Variants in WDR27 observed in about 807,000 individuals in gnomAD.
WDR27 encodes the protein WD repeat domain 27.
WDR27 carries 100 observed loss-of-function variants against 114.4 expected under a neutral mutation model. That is an observed-to-expected ratio of 0.87 (90% CI 0.74 to 1.03). The LOEUF is 1.03. Among genes scored for constraint, WDR27 ranks in the 50% least tolerant of loss-of-function variants. The pLI is 0.00. For missense variants in WDR27, 1,129 were observed against 1,092.9 expected (o/e 1.03, Z -0.47); for synonymous variants, 449 against 423.1 (o/e 1.06, Z -0.75).
intron 21 of WDR27, among the ~76,000 whole-genome samples, chr6:169,623,193 G>C (rs554064997): frequency 4.6e-5 from 7 of 152,084 alleles, no homozygotes; most frequent in East Asian, 3.9e-4. Flanking sequence ...TCAGCTGGTC[G>C]TGCGGCCCCC....
intron 2 of WDR27, among the ~76,000 whole-genome samples, chr6:169,673,994 C>T (rs2128301393): frequency 6.6e-6 from 1 of 152,286 alleles, no homozygotes; most frequent in South Asian, 2.1e-4. Flanking sequence ...CTCATAAGAA[C>T]TGACACCCAG....
Position 169,696,964 on chromosome 6 carries a change from G to A in WDR27, c.-8+4587C>T, listed in dbSNP as rs142756510. 2.6e-3 allele frequency among the ~76,000 whole-genome samples: 393 copies of A among 152,224 alleles called. 3 individuals carry two copies. The highest frequency in any genetic ancestry group is 9.2e-3 in the African/African-American group (383 of 41,516). On this transcript the variant is annotated intron_variant, in intron 1 of 25. Coordinates refer to ENST00000448612, the MANE Select transcript of WDR27 (RefSeq NM_182552.5). The stretch of plus-strand genomic sequence containing the variant: ...AAAAACCTATCTCCTGACACCCAAC[G>A]TCTGATATCACTGGAATTATTTCCA...
the WDR27 span, among the ~76,000 whole-genome samples, chr6:169,447,242 G>C: frequency 6.6e-5 from 10 of 152,178 alleles, no homozygotes; most frequent in African/African-American, 2.4e-4. Context: ...TCACACTTAT[G>C]AGCTGTGTTT....
intron 2 of WDR27, among the ~76,000 whole-genome samples, chr6:169,674,922 G>A (rs778819590): frequency 4.6e-5 from 7 of 152,186 alleles, no homozygotes; most frequent in Non-Finnish European, 8.8e-5. Flanking sequence ...GGCAGGAGTA[G>A]GGGTCACAAA....
At chr6:169,535,635 C>T (rs1402618716) in intron 25 of WDR27, among the ~76,000 whole-genome samples, 2 of 152,160 alleles carry the variant, frequency 1.3e-5, no homozygotes, top group Non-Finnish European at 2.9e-5. Context: ...GTACTTAATG[C>T]AGCTTAAAAC....
intron 21 of WDR27, among the ~76,000 whole-genome samples, chr6:169,618,063 T>C (rs981783597): frequency 6.6e-6 from 1 of 152,198 alleles, no homozygotes; most frequent in African/African-American, 2.4e-5. Context: ...TCAGCAGTGG[T>C]TATCAGAGAA....
intron 9 of WDR27, among the ~76,000 whole-genome samples, chr6:169,661,386 G>A (rs759035200): frequency 2.0e-5 from 3 of 152,288 alleles, no homozygotes; most frequent in Admixed American, 6.5e-5. Context: ...CAATGCCAAC[G>A]GGGTCTGTTA....
chr6:169,462,912 AT>A (rs1785092948), intron 25 of WDR27, among the ~76,000 whole-genome samples: 1 of 152,194 alleles, frequency 6.6e-6, no homozygotes, highest in African/African-American at 2.4e-5. Flanking sequence ...AATTCAACAC[AT>A]TTTCATAATT....
chr6:169,569,174 G>A (rs993131216), intron 25 of WDR27, among the ~76,000 whole-genome samples: 9 of 152,182 alleles, frequency 5.9e-5, no homozygotes, highest in Admixed American at 4.6e-4. Flanking sequence ...GATGCACCAA[G>A]ATGGTTTTGT....
At chr6:169,543,371 CA>C (rs1797064048) in intron 25 of WDR27, among the ~76,000 whole-genome samples, 1 of 152,068 alleles carries the variant, frequency 6.6e-6, no homozygotes, top group Admixed American at 6.5e-5. Context: ...AGTTCTTAAA[CA>C]TTTTGGTCTT....
chr6:169,661,931 T>C (rs1388805025), intron 9 of WDR27, among the ~76,000 whole-genome samples: 2 of 152,224 alleles, frequency 1.3e-5, no homozygotes, highest in African/African-American at 4.8e-5. Context: ...CAGAAATAAA[T>C]AAAATTAGTC....
At chr6:169,484,114 C>G (rs1354756774) in intron 25 of WDR27, among the ~76,000 whole-genome samples, 1 of 152,112 alleles carries the variant, frequency 6.6e-6, no homozygotes, top group Admixed American at 6.5e-5. Context: ...AAAACTGACA[C>G]AAGACAAGGA....
At chr6:169,697,627 C>CA (rs1786537591) in intron 1 of WDR27, among the ~76,000 whole-genome samples, 3 of 152,316 alleles carry the variant, frequency 2.0e-5, no homozygotes, top group Admixed American at 2.0e-4. Flanking sequence ...ATAGCAGTAG[C>CA]AAAATTAGTG....
chr6:169,430,346 C>T, the WDR27 span, among the ~76,000 whole-genome samples: 3 of 152,212 alleles, frequency 2.0e-5, no homozygotes, highest in African/African-American at 4.8e-5. Flanking sequence ...TAGGGGTATG[C>T]TTTGACACAG....
intron 18 of WDR27, among the ~76,000 whole-genome samples, chr6:169,637,725 CATGT>C (rs1486735619): frequency 6.6e-6 from 1 of 150,938 alleles, no homozygotes; most frequent in Admixed American, 6.6e-5. Flanking sequence ...GTGCCTATTG[CATGT>C]GTGTGAATAC....
At chr6:169,471,864 G>A (rs1317943391) in intron 25 of WDR27, among the ~76,000 whole-genome samples, 4 of 152,284 alleles carry the variant, frequency 2.6e-5, no homozygotes, top group South Asian at 4.1e-4. Context: ...AGCAGATTTG[G>A]TGTCTGGTGA....
chr6:169,597,083 A>G lies in WDR27; in HGVS notation c.2424+5136T>C, dbSNP rs532175827. On this transcript the variant is annotated intron_variant, in intron 23 of 25. Coordinates refer to ENST00000448612, the MANE Select transcript of WDR27 (RefSeq NM_182552.5). ...TGCATTAAGACCCAAAGTCTACTTTACACTAAAGTATTATCATATCAGCTT... is the reference window on the plus strand; with the variant it reads ...TGCATTAAGACCCAAAGTCTACTTTGCACTAAAGTATTATCATATCAGCTT... Among the ~76,000 whole-genome samples the G allele has an allele frequency of 6.6e-5, 10 of 152,330 alleles. No homozygotes were observed. The East Asian group carries it at 1.9e-3, about 29-fold the overall frequency.
chr6:169,692,719 G>A (rs936383972), intron 1 of WDR27, among the ~76,000 whole-genome samples: 1 of 152,066 alleles, frequency 6.6e-6, no homozygotes, highest in Non-Finnish European at 1.5e-5. Flanking sequence ...ATCCCCTCTG[G>A]AACATAACTC....
At chr6:169,544,224 C>T (rs1264645510) in intron 25 of WDR27, among the ~76,000 whole-genome samples, 1 of 152,012 alleles carries the variant, frequency 6.6e-6, no homozygotes, top group African/African-American at 2.4e-5. Flanking sequence ...CCACATAGTG[C>T]TCTAAGGTAT....
Sources: allele counts gnomAD v4.1 joint callset (sites outside exome capture counted in the v4.1 genomes callset), GRCh38; gene constraint gnomAD v4.1.1; transcripts MANE v1.5; gene names NCBI Gene and HGNC (gene_info 2026-07-23, HGNC 2026-07-21).